PSEN2: variants seen among roughly 807,000 people sequenced by gnomAD.
PSEN2 encodes presenilin 2, also known as presenilin-2.
A neutral mutation model predicts 49.1 loss-of-function variants in PSEN2; 32 were observed. That is an observed-to-expected ratio of 0.65 (90% confidence interval 0.49 to 0.88). The LOEUF is 0.88. Ranked by LOEUF, PSEN2 falls within the 40% of genes least tolerant of loss-of-function variation. The pLI, the probability that PSEN2 is intolerant of heterozygous loss-of-function variation, is 0.00. For synonymous variants in PSEN2, 255 were observed against 244.0 expected (o/e 1.05, Z -0.42); for missense variants, 522 against 586.9 (o/e 0.89, Z 1.14).
chr1:226,894,400 C>G (rs1027643979), intron 12 of PSEN2, among the ~76,000 whole-genome samples: 1 of 152,170 alleles, frequency 6.6e-6, no homozygotes, highest in South Asian at 2.1e-4. Flanking sequence ...GCCTCCAGGC[C>G]GAGGACCCAG....
At chr1:226,896,694 CA>C (rs1001395107), downstream of PSEN2, among the ~76,000 whole-genome samples, 4 of 150,820 alleles carry the variant, frequency 2.7e-5, no homozygotes, top group African/African-American at 9.8e-5. Context: ...AGACTTTGTA[CA>C]AAAAAAAATT....
chr1:226,901,392 C>T (rs917885780), downstream of PSEN2, among the ~76,000 whole-genome samples: 4 of 148,226 alleles, frequency 2.7e-5, no homozygotes, highest in Admixed American at 1.4e-4. Context: ...GACAAGATCA[C>T]GCCATTGCAC....
At chr1:226,897,137 C>T (rs984185972), downstream of PSEN2, among the ~76,000 whole-genome samples, 12 of 152,032 alleles carry the variant, frequency 7.9e-5, no homozygotes, top group Admixed American at 1.3e-4. Context: ...GAAGCCACAG[C>T]GGGGAGCGGG....
intron 3 of PSEN2, among the ~76,000 whole-genome samples, chr1:226,881,358 G>C (rs1300607386): frequency 6.6e-6 from 1 of 152,100 alleles, no homozygotes; most frequent in African/African-American, 2.4e-5. Flanking sequence ...CCCTCCTCCT[G>C]GGAAAACCAG....
Position 226,888,980 on chromosome 1 carries a change from G to T in PSEN2, c.718G>T (p.Ala240Ser), listed in dbSNP as rs778393774. 6.2e-7 allele frequency: 1 copy of T among 1,614,180 alleles called. No homozygotes were observed. The highest frequency in any genetic ancestry group is 2.2e-5 in the East Asian group (1 of 44,880). The change falls in exon 8 of 13, where the codon GCC (alanine) becomes TCC (serine). Residue 240 changes from alanine to serine, a missense_variant. Coordinates refer to ENST00000366783, the MANE Select transcript of PSEN2 (RefSeq NM_000447.3). ...AYLIMISALM[A>S]LVFIKYLPEW... ...CCTCATCATGATCAGTGCGCTCATG[G>T]CCCTAGTGTTCATCAAGTACCTCCC...
downstream of PSEN2, among the ~76,000 whole-genome samples, chr1:226,901,040 T>A (rs938940329): frequency 6.6e-6 from 1 of 152,156 alleles, no homozygotes; most frequent in African/African-American, 2.4e-5. Context: ...CCACGGTATG[T>A]GGTTTGTAGA....
chr1:226,870,656 G>A lies in PSEN2; in HGVS notation c.-350+7G>A, dbSNP rs540458381. On this transcript the variant is annotated splice_region_variant and intron_variant, in intron 1 of 12. Transcript: ENST00000366783. Reference sequence around the variant, plus strand: ...GAGCGCGGCGGCAGAGCAGGTGAGCGGGCGGTGCCGGGGGGTGCCCAGGCC... The same window carrying A: ...GAGCGCGGCGGCAGAGCAGGTGAGCAGGCGGTGCCGGGGGGTGCCCAGGCC... The A allele has an allele frequency of 6.6e-6, 1 of 152,184 alleles. No individual in the cohort carries two copies. Among genetic ancestry groups the A allele is most frequent in the Non-Finnish European group, 1.5e-5 (1 of 68,232 alleles). 9.4% of individuals were successfully genotyped at this position (152,184 alleles called of 1,614,324 possible). A position where few individuals can be genotyped will look rare whatever the true frequency, so the allele number is the denominator to read the frequency against.
intron 3 of PSEN2, 114 bp from the exon 4 acceptor site, chr1:226,881,774 T>C (rs1451967246): frequency 8.5e-7 from 1 of 1,175,722 alleles, no homozygotes; most frequent in African/African-American, 1.5e-5. Flanking sequence ...CTTGGAAGCT[T>C]TTGGGGCAGG....
chr1:226,872,412 T>G (rs1225807731), intron 2 of PSEN2, among the ~76,000 whole-genome samples: 1 of 152,220 alleles, frequency 6.6e-6, no homozygotes, highest in Non-Finnish European at 1.5e-5. Flanking sequence ...GTTCAGGGAG[T>G]TAAGCAGCTA....
intron 12 of PSEN2, 134 bp downstream of exon 12, chr1:226,894,259 C>T (rs527316021): frequency 2.1e-4 from 141 of 679,856 alleles, no homozygotes; most frequent in Non-Finnish European, 3.0e-4. Context: ...GAGCAGGGAG[C>T]GGGGCTGGAA....
downstream of PSEN2, among the ~76,000 whole-genome samples, chr1:226,900,369 C>T (rs754751398): frequency 6.6e-6 from 1 of 152,162 alleles, no homozygotes; most frequent in Non-Finnish European, 1.5e-5. Flanking sequence ...CCCCCCTGCC[C>T]CCTCTGTGGA....
chr1:226,878,568 T>C (rs1481070935), intron 3 of PSEN2, among the ~76,000 whole-genome samples: 1 of 152,198 alleles, frequency 6.6e-6, no homozygotes, highest in Non-Finnish European at 1.5e-5. Context: ...ATCCTCTGAA[T>C]GCTCCAGCTG....
At chr1:226,873,698 A>T (rs953451618) in intron 2 of PSEN2, among the ~76,000 whole-genome samples, 1 of 152,198 alleles carries the variant, frequency 6.6e-6, no homozygotes, top group African/African-American at 2.4e-5. Context: ...TTACAAGCAT[A>T]AGCCATTGCG....
intron 3 of PSEN2, among the ~76,000 whole-genome samples, chr1:226,876,289 G>A (rs1660624352): frequency 6.6e-6 from 1 of 152,194 alleles, no homozygotes; most frequent in African/African-American, 2.4e-5. Context: ...GGAATTCAGA[G>A]GGTAGCAGAA....
chr1:226,891,320 C>T lies in PSEN2; in HGVS notation c.929C>T (p.Ser310Phe). ...WTVGMAKLDP[S>F]SQGALQLPYD... ...GTTGGCATGGCGAAGCTGGACCCCT[C>T]CTCTCAGGGTGCCCTCCAGCTCCCC... The change falls in exon 10 of 13, where the codon TCC becomes TTC. Residue 310 changes from serine (S) to phenylalanine (F), a missense_variant. By Grantham distance (155) the Ser-to-Phe change is radical. Transcript: ENST00000366783. 2.5e-6 allele frequency: 4 copies of T among 1,613,980 alleles called. No individual in the cohort carries two copies. Among genetic ancestry groups the T allele is most frequent in the Middle Eastern group, 1.7e-4 (1 of 6,060 alleles).
intron 10 of PSEN2, 48 bp downstream of exon 10, chr1:226,891,409 C>T (rs569793520): frequency 2.7e-6 from 4 of 1,499,908 alleles, no homozygotes; most frequent in Admixed American, 3.7e-5. Context: ...GGGGGCAGCT[C>T]CCTACCTGCA....
intron 2 of PSEN2, among the ~76,000 whole-genome samples, chr1:226,875,039 T>C (rs926429282): frequency 6.6e-6 from 1 of 152,110 alleles, no homozygotes; most frequent in African/African-American, 2.4e-5. Flanking sequence ...CCCCAGGCAC[T>C]TCTGAGTGGG....
At chr1:226,889,974 C>G (rs965030496) in intron 8 of PSEN2, 61 bp from the exon 9 acceptor site, 1 of 1,343,388 alleles carries the variant, frequency 7.4e-7, no homozygotes, top group Non-Finnish European at 1.1e-6. Flanking sequence ...TGCTACAGGG[C>G]AGGCTCTTCT....
At chr1:226,880,843 G>A (rs1024032709) in intron 3 of PSEN2, 6 of 1,519,940 alleles carry the variant, frequency 3.9e-6, no homozygotes, top group Non-Finnish European at 5.4e-6. Flanking sequence ...GCCCTCAGTG[G>A]CACTTCCCCA....
Sources: gnomAD v4.1 joint callset for allele counts (sites outside exome capture counted in the v4.1 genomes callset) on GRCh38, gnomAD v4.1.1 for gene constraint, MANE v1.5 for transcripts, NCBI Gene and HGNC (gene_info 2026-07-23, HGNC 2026-07-21) for gene names.